Variants in ITPK1 observed in about 807,000 individuals in gnomAD.
ITPK1 encodes inositol-tetrakisphosphate 1-kinase, also known as inositol 1,3,4-trisphosphate 5/6-kinase.
ITPK1 carries 21 observed loss-of-function variants against 45.3 expected under a neutral mutation model. The observed-to-expected ratio is 0.46, with a 90% confidence interval of 0.33 to 0.67. ITPK1 has a LOEUF of 0.67. Ranked by LOEUF, ITPK1 falls within the 30% of genes least tolerant of loss-of-function variation. The probability of loss-of-function intolerance (pLI) is 0.02; values close to 1 mark genes in which losing one functional copy is unlikely to be tolerated. For missense variants in ITPK1, 474 were observed against 573.5 expected (o/e 0.83, Z 1.77); for synonymous variants, 258 against 253.6 (o/e 1.02, Z -0.16).
chr14:92,989,960 AC>A (rs1886698073), intron 5 of ITPK1, among the ~76,000 whole-genome samples: 1 of 152,088 alleles, frequency 6.6e-6, no homozygotes, highest in Admixed American at 6.5e-5. Context: ...CCGAGGCCAA[AC>A]CCCCAGCCAG....
At chr14:93,050,729 G>C (rs964652637) in intron 3 of ITPK1, among the ~76,000 whole-genome samples, 4 of 152,036 alleles carry the variant, frequency 2.6e-5, no homozygotes, top group Admixed American at 2.6e-4. Context: ...AATGGTTAGA[G>C]ACCCAGGGAG....
intron 2 of ITPK1, among the ~76,000 whole-genome samples, chr14:93,103,458 G>A (rs1009136431): frequency 2.6e-5 from 4 of 151,956 alleles, no homozygotes; most frequent in African/African-American, 4.8e-5. Context: ...CACGAGCCCA[G>A]GACCCTGAGA....
intron 3 of ITPK1, among the ~76,000 whole-genome samples, chr14:93,031,315 T>C (rs117081412): frequency 0.026 from 4,007 of 152,076 alleles, 94 homozygotes; most frequent in Admixed American, 0.085. Context: ...GTCAGTGTCC[T>C]CAGAGTGGGG....
At chr14:92,975,373 A>G (rs1015408274) in intron 5 of ITPK1, among the ~76,000 whole-genome samples, 34 of 152,094 alleles carry the variant, frequency 2.2e-4, no homozygotes, top group Non-Finnish European at 1.9e-4. Flanking sequence ...CCCAGTACGC[A>G]GTTCCTTCCT....
intron 3 of ITPK1, among the ~76,000 whole-genome samples, chr14:93,039,371 G>A (rs1889463407): frequency 6.6e-6 from 1 of 152,112 alleles, no homozygotes; most frequent in African/African-American, 2.4e-5. Flanking sequence ...TGCTAGGCAT[G>A]GTGACTCACA....
rs746740723 is a variant in ITPK1, at chr14:93,032,309, C to T, written c.121-15508G>A. ...AGGTTGCAGTGAGCCGAGATTACGC[C>T]ACTGCACTCCAGGCTGGGCGACAGA... On this transcript the variant is annotated intron_variant, in intron 3 of 10. Coordinates refer to ENST00000267615, the MANE Select transcript of ITPK1 (RefSeq NM_014216.6). This position sits in a 1 kb window ranked among gnomAD's most constrained non-coding sequence, Gnocchi z 4.0. Among the ~76,000 whole-genome samples the T allele has an allele frequency of 3.3e-5, 5 of 152,014 alleles. No individual in the cohort carries two copies. Among genetic ancestry groups the T allele is most frequent in the Non-Finnish European group, 7.4e-5 (5 of 68,020 alleles).
At chr14:93,055,927 A>C (rs1484687109) in intron 3 of ITPK1, among the ~76,000 whole-genome samples, 1 of 152,230 alleles carries the variant, frequency 6.6e-6, no homozygotes, top group East Asian at 1.9e-4. Context: ...CGGGAGGAGC[A>C]GCCGGGGCAC....
intron 3 of ITPK1, among the ~76,000 whole-genome samples, chr14:93,050,605 C>T (rs911709404): frequency 3.9e-5 from 6 of 152,206 alleles, no homozygotes; most frequent in East Asian, 3.9e-4. Flanking sequence ...CTGCACCCCA[C>T]CTCAGTTCGT....
At chr14:92,980,453 A>G (rs557467495) in intron 5 of ITPK1, among the ~76,000 whole-genome samples, 6 of 152,192 alleles carry the variant, frequency 3.9e-5, no homozygotes, top group Non-Finnish European at 8.8e-5. Context: ...CCCCAAAACA[A>G]GAAAGGCTCT....
At chr14:93,001,147 G>C (rs1887330573) in intron 4 of ITPK1, among the ~76,000 whole-genome samples, 1 of 144,032 alleles carries the variant, frequency 6.9e-6, no homozygotes, top group African/African-American at 2.6e-5. Context: ...ACAAAAATTA[G>C]CCGGGCATGG....
chr14:92,989,430 T>C (rs1294129681), intron 5 of ITPK1, among the ~76,000 whole-genome samples: 1 of 152,118 alleles, frequency 6.6e-6, no homozygotes, highest in East Asian at 1.9e-4. Context: ...TGAGACCTGC[T>C]GTCCCTGAAG....
At chr14:93,092,101 T>A (rs1891887855) in intron 2 of ITPK1, among the ~76,000 whole-genome samples, 2 of 152,076 alleles carry the variant, frequency 1.3e-5, no homozygotes, top group South Asian at 4.1e-4. Context: ...GGCCCAGAAC[T>A]GAGAGGGACT....
chr14:92,997,003 G>C (rs1319135068), intron 4 of ITPK1, among the ~76,000 whole-genome samples: 6 of 152,228 alleles, frequency 3.9e-5, no homozygotes, highest in African/African-American at 1.4e-4. Flanking sequence ...AAAATGGAGA[G>C]TGTATTTGTA....
At chr14:93,113,396 C>T (rs1892823733) in intron 2 of ITPK1, among the ~76,000 whole-genome samples, 1 of 152,178 alleles carries the variant, frequency 6.6e-6, no homozygotes, top group South Asian at 2.1e-4. Context: ...CAAAACAAGC[C>T]AACCCAATGA....
chr14:92,969,299 G>T (rs567920117), intron 5 of ITPK1, among the ~76,000 whole-genome samples: 1 of 151,954 alleles, frequency 6.6e-6, no homozygotes, highest in Non-Finnish European at 1.5e-5. Context: ...GCCGGAGCTG[G>T]CAGGGAAACA....
intron 2 of ITPK1, among the ~76,000 whole-genome samples, chr14:93,098,497 G>GGGCGC (rs1784135457): frequency 6.6e-6 from 1 of 151,592 alleles, no homozygotes; most frequent in South Asian, 2.1e-4. Context: ...GCGTGGTGGT[G>GGGCGC]GGCGCCTGTA....
chr14:92,941,279 A>C lies in ITPK1; in HGVS notation c.*282T>G, dbSNP rs1887376725. 1 of 1,386,658 alleles carries C rather than the reference A, an allele frequency of 7.2e-7. No homozygotes were observed. The highest frequency in any genetic ancestry group is 9.3e-7 in the Non-Finnish European group (1 of 1,075,070). 85.9% of individuals were successfully genotyped at this position (1,386,658 alleles called of 1,614,324 possible). On this transcript the variant is annotated 3_prime_UTR_variant, in exon 11 of 11. Coordinates refer to ENST00000267615, the MANE Select transcript of ITPK1 (RefSeq NM_014216.6). Reference sequence around the variant, plus strand: ...CGCACACCCCTCACCTCCCATCCAGACCTAGTGTTGCAAACACAAGCGTGT... The same window carrying C: ...CGCACACCCCTCACCTCCCATCCAGCCCTAGTGTTGCAAACACAAGCGTGT...
At chr14:93,053,331 C>T (rs1890094859) in intron 3 of ITPK1, among the ~76,000 whole-genome samples, 1 of 152,058 alleles carries the variant, frequency 6.6e-6, no homozygotes, top group African/African-American at 2.4e-5. Context: ...CCAGTGCACA[C>T]TCCAGTTTGA....
chr14:93,039,269 C>T (rs939232305), intron 3 of ITPK1, among the ~76,000 whole-genome samples: 3 of 152,224 alleles, frequency 2.0e-5, no homozygotes, highest in Non-Finnish European at 4.4e-5. Flanking sequence ...AGAAACACCC[C>T]CCACCTCCTT....
Sources: gnomAD v4.1 joint callset for allele counts (sites outside exome capture counted in the v4.1 genomes callset) on GRCh38, gnomAD v4.1.1 for gene constraint, Gnocchi (gnomAD v3.1) non-coding constraint, MANE v1.5 for transcripts, NCBI Gene and HGNC (gene_info 2026-07-23, HGNC 2026-07-21) for gene names.